Variants in PCYT2 observed in about 807,000 individuals in gnomAD.
PCYT2 encodes the protein ethanolamine-phosphate cytidylyltransferase.
PCYT2 carries 33 observed loss-of-function variants against 50.0 expected under a neutral mutation model. That is an observed-to-expected ratio of 0.66 (90% CI 0.50 to 0.88). The LOEUF is 0.88. Among genes scored for constraint, PCYT2 ranks in the 40% least tolerant of loss-of-function variants. The pLI, the probability that PCYT2 is intolerant of heterozygous loss-of-function variation, is 0.00. For missense variants in PCYT2, 430 were observed against 519.7 expected (o/e 0.83, Z 1.68); for synonymous variants, 240 against 203.7 (o/e 1.18, Z -1.52).
In PCYT2 at chr17:81,902,487, C is replaced by G. The variant is rs2039991735; in HGVS notation, c.*2346G>C. The G allele has an allele frequency of 4.3e-6, 6 of 1,401,116 alleles. No individual in the cohort carries two copies. Among genetic ancestry groups the G allele is most frequent in the Non-Finnish European group, 5.5e-6 (6 of 1,086,060 alleles). 86.8% of individuals were successfully genotyped at this position (1,401,116 alleles called of 1,614,324 possible). A position where few individuals can be genotyped will look rare whatever the true frequency, so the allele number is the denominator to read the frequency against. ...CGGAACCCCCGGGCGGGGCCGGCGC[C>G]TCCCCGGAGCTGCAACTGCACCCCA... On this transcript the variant is annotated 3_prime_UTR_variant, in exon 13 of 13. Coordinates refer to ENST00000538936, the MANE Select transcript of PCYT2 (RefSeq NM_002861.5).
At chr17:81,907,916 T>C (rs1197623801) in intron 4 of PCYT2, 59 bp from the exon 5 acceptor site, 11 of 1,397,040 alleles carry the variant, frequency 7.9e-6, no homozygotes, top group Non-Finnish European at 1.0e-5. Context: ...CTCTGCCTCC[T>C]GCTACCACCA....
Position 81,902,249 on chromosome 17 carries a change from C to G in PCYT2, c.*2584G>C. The G allele has an allele frequency of 7.3e-6, 9 of 1,231,454 alleles. No individual in the cohort carries two copies. Among genetic ancestry groups the G allele is most frequent in the Non-Finnish European group, 9.1e-6 (9 of 987,648 alleles). The allele number at this position is 1,231,454 out of a possible 1,614,324, so 76.3% of individuals were successfully genotyped here. A position where few individuals can be genotyped will look rare whatever the true frequency, so the allele number is the denominator to read the frequency against. On this transcript the variant is annotated 3_prime_UTR_variant, in exon 13 of 13. Transcript: ENST00000538936. ...GCGGTGGCTGCTCCGAGCCCGGACG[C>G]CGCCGCCCACCAGTCAGCCGGCGTC...
At chr17:81,906,415 C>T (rs376042396) in intron 8 of PCYT2, 49 bp downstream of exon 8, 41 of 1,551,726 alleles carry the variant, frequency 2.6e-5, no homozygotes, top group Non-Finnish European at 3.5e-5. Context: ...TAGGGCCCCT[C>T]GAGGGCCCAT....
Position 81,902,250 on chromosome 17 carries a change from C to T in PCYT2, c.*2583G>A. On this transcript the variant is annotated 3_prime_UTR_variant, in exon 13 of 13. Transcript: ENST00000538936. ...CGGTGGCTGCTCCGAGCCCGGACGC[C>T]GCCGCCCACCAGTCAGCCGGCGTCC... 8.1e-7 allele frequency: 1 copy of T among 1,232,336 alleles called. No homozygotes were observed. Among genetic ancestry groups the T allele is most frequent in the South Asian group, 3.6e-5 (1 of 28,034 alleles). 76.3% of individuals were successfully genotyped at this position (1,232,336 alleles called of 1,614,324 possible).
At chr17:81,908,662 T>A in intron 3 of PCYT2, 28 bp from the exon 4 acceptor site, 1 of 1,595,206 alleles carries the variant, frequency 6.3e-7, no homozygotes, top group Non-Finnish European at 8.6e-7. Flanking sequence ...AGGACAAGGA[T>A]CCTTAACCCA....
In PCYT2 at chr17:81,905,115, C is replaced by T. The variant is rs578101513; in HGVS notation, c.1009G>A (p.Gly337Ser). 4.2e-5 allele frequency: 68 copies of T among 1,613,424 alleles called. 1 individual carries two copies. The South Asian group carries it at 7.0e-4, about 17-fold the overall frequency. The part of the protein sequence containing the change: ...RRGIFRQIDS[G>S]SNLTTDLIVQ... ...ATGAGGTCTGTGGTGAGGTTGCTGCCACTGTCAATCTGACGGAAGATGCCC... is the reference window on the plus strand; with the variant it reads ...ATGAGGTCTGTGGTGAGGTTGCTGCTACTGTCAATCTGACGGAAGATGCCC... The change falls in exon 12 of 13, where the codon GGC (glycine) becomes AGC (serine). Residue 337 changes from glycine (G) to serine (S), a missense_variant. Gly to Ser is a moderately conservative substitution (Grantham distance 56). Transcript: ENST00000538936.
rs748755768 is a variant in PCYT2, at chr17:81,909,527, G to A, written c.165C>T (p.Gly55=). The change falls in exon 2 of 13, where the codon GGC becomes GGT. Residue 55 remains glycine, a synonymous_variant. Transcript: ENST00000538936. ...ARAMGDYLIV[G]VHTDEEIAKH... Reference sequence around the variant, plus strand: ...ATCTGTGCTTACCATCGGTGTGCACGCCTACGATGAGGTAGTCACCCATGG... The same window carrying A: ...ATCTGTGCTTACCATCGGTGTGCACACCTACGATGAGGTAGTCACCCATGG... 24 of 1,612,426 alleles carry A rather than the reference G, an allele frequency of 1.5e-5. No homozygotes were observed. Among genetic ancestry groups the A allele is most frequent in the African/African-American group, 6.7e-5 (5 of 74,926 alleles).
Position 81,909,621 on chromosome 17 carries a change from T to C in PCYT2, c.90-19A>G. 1 of 1,603,080 alleles carries C rather than the reference T, an allele frequency of 6.2e-7. No homozygotes were observed. Among genetic ancestry groups the C allele is most frequent in the Non-Finnish European group, 8.5e-7 (1 of 1,170,390 alleles). ...GTCATAGCTGTGGAGACAGAGAGAG[T>C]GGGTGGTCCCTGTGCCAAGGGTGGG... On this transcript the variant is annotated intron_variant, in intron 1 of 12. Coordinates refer to ENST00000538936, the MANE Select transcript of PCYT2 (RefSeq NM_002861.5).
At chr17:81,905,583 T>G in intron 10 of PCYT2, 87 bp downstream of exon 10, 1 of 1,454,820 alleles carries the variant, frequency 6.9e-7, no homozygotes, top group African/African-American at 1.4e-5. Flanking sequence ...GGGCCCCGCC[T>G]AGGAGCCCAC....
rs1326614399 is a variant in PCYT2 at position 81,904,810 on chromosome 17, G to A, written c.*23C>T. On this transcript the variant is annotated 3_prime_UTR_variant, in exon 13 of 13. Coordinates refer to ENST00000538936, the MANE Select transcript of PCYT2 (RefSeq NM_002861.5). ...AGGCGCAGAAGCAGAGCAGGGGGAG[G>A]GCCGGCCAGGGCCTCTGCCAGGTTA... The A allele has an allele frequency of 6.6e-7, 1 of 1,513,540 alleles. No individual in the cohort carries two copies. The highest frequency in any genetic ancestry group is 9.1e-7 in the Non-Finnish European group (1 of 1,097,972). 93.8% of individuals were successfully genotyped at this position (1,513,540 alleles called of 1,614,324 possible). A position where few individuals can be genotyped will look rare whatever the true frequency, so the allele number is the denominator to read the frequency against.
Position 81,905,157 on chromosome 17 carries a change from G to A in PCYT2, c.970-3C>T. ...AAGATGCCCCTTCTCTTGGGCTCCT[G>A]GGGGTCCAGAGAGGAGGAGCGGGAT... On this transcript the variant is annotated splice_polypyrimidine_tract_variant and splice_region_variant and intron_variant, in intron 11 of 12. Transcript: ENST00000538936. The A allele has an allele frequency of 6.2e-7, 1 of 1,610,208 alleles. No homozygotes were observed. Among genetic ancestry groups the A allele is most frequent in the East Asian group, 2.2e-5 (1 of 44,838 alleles).
chr17:81,910,606 G>A (rs916997660), intron 1 of PCYT2, among the ~76,000 whole-genome samples: 2 of 152,202 alleles, frequency 1.3e-5, no homozygotes, highest in African/African-American at 4.8e-5. Context: ...CCTTTTCCCA[G>A]AGGTGACTCG....
rs1598318193 is a variant in PCYT2 at position 81,905,456 on chromosome 17, G to A, written c.904-9C>T. 3 of 1,564,542 alleles carry A rather than the reference G, an allele frequency of 1.9e-6. No individual in the cohort carries two copies. The highest frequency in any genetic ancestry group is 2.6e-6 in the Non-Finnish European group (3 of 1,154,524). On this transcript the variant is annotated splice_polypyrimidine_tract_variant and intron_variant, in intron 10 of 12. Coordinates refer to ENST00000538936, the MANE Select transcript of PCYT2 (RefSeq NM_002861.5). ...TGACACACCAGGTCCACCTGGAGAAGGAGTGGGGTCAGGAGCCCTCCCCGG... is the reference window on the plus strand; with the variant it reads ...TGACACACCAGGTCCACCTGGAGAAAGAGTGGGGTCAGGAGCCCTCCCCGG...
At position 81,902,170 on chromosome 17, in the gene PCYT2, T is replaced by A; in HGVS notation, c.*2663A>T. 125 of 829,320 alleles carry A rather than the reference T, an allele frequency of 1.5e-4. No homozygotes were observed. The highest frequency in any genetic ancestry group is 1.9e-4 in the Non-Finnish European group (119 of 635,274). The allele number at this position is 829,320 out of a possible 1,614,324, so 51.4% of individuals were successfully genotyped here. ...TGCACCCCAGCCCGCCCGCCGCCCC[T>A]CCCGGCCCTCCGCAGCCTCGGCCCG... On this transcript the variant is annotated 3_prime_UTR_variant, in exon 13 of 13. Transcript: ENST00000538936.
chr17:81,903,378 C>CT lies in PCYT2; in HGVS notation c.*1454dup, dbSNP rs2040054768. 6.6e-6 allele frequency: 1 copy of CT among 152,468 alleles called. No homozygotes were observed. Among genetic ancestry groups the CT allele is most frequent in the Non-Finnish European group, 1.5e-5 (1 of 68,208 alleles). The allele number at this position is 152,468 out of a possible 1,614,324, so 9.4% of individuals were successfully genotyped here. On this transcript the variant is annotated 3_prime_UTR_variant, in exon 13 of 13. Coordinates refer to ENST00000538936, the MANE Select transcript of PCYT2 (RefSeq NM_002861.5). The stretch of plus-strand genomic sequence containing the variant: ...GTTCTCCCTCCGCCGTTGGGTGTGA[C>CT]TCCGGAACTGGCTTGGGCTCTGGCC...
In PCYT2 at chr17:81,902,538, G is replaced by T. The variant is rs770427689; in HGVS notation, c.*2295C>A. ...GGCTGCGGAGCCTCGTGAGTCCGGC[G>T]TGCCGGGGACTGATGGGGGGCGGCG... On this transcript the variant is annotated 3_prime_UTR_variant, in exon 13 of 13. Coordinates refer to ENST00000538936, the MANE Select transcript of PCYT2 (RefSeq NM_002861.5). 40 of 1,466,046 alleles carry T rather than the reference G, an allele frequency of 2.7e-5. No individual in the cohort carries two copies. Among genetic ancestry groups the T allele is most frequent in the Non-Finnish European group, 3.6e-5 (40 of 1,116,078 alleles). The allele number at this position is 1,466,046 out of a possible 1,614,324, so 90.8% of individuals were successfully genotyped here.
In PCYT2 at chr17:81,902,817, C is replaced by T; in HGVS notation, c.*2016G>A. ...CGTCCCACTCGGTGACCCCAGGCCC[C>T]TCCGGCGCGGGATGGCGCCCCAGGT... On this transcript the variant is annotated 3_prime_UTR_variant, in exon 13 of 13. Coordinates refer to ENST00000538936, the MANE Select transcript of PCYT2 (RefSeq NM_002861.5). 1 of 1,443,612 alleles carries T rather than the reference C, an allele frequency of 6.9e-7. No individual in the cohort carries two copies. Among genetic ancestry groups the T allele is most frequent in the Non-Finnish European group, 9.2e-7 (1 of 1,082,330 alleles). 89.4% of individuals were successfully genotyped at this position (1,443,612 alleles called of 1,614,324 possible).
At chr17:81,908,817 G>T in intron 3 of PCYT2, 59 bp downstream of exon 3, 1 of 1,513,976 alleles carries the variant, frequency 6.6e-7, no homozygotes, top group Admixed American at 1.7e-5. Context: ...CCCACCAGCA[G>T]ATCTGATCCT....
At chr17:81,907,512 C>G (rs1386798337) in intron 6 of PCYT2, 42 bp downstream of exon 6, 2 of 1,580,338 alleles carry the variant, frequency 1.3e-6, no homozygotes, top group South Asian at 2.3e-5. Flanking sequence ...GGGGAGCCCC[C>G]TGCAGCTGCG....
Sources: gnomAD v4.1 joint callset for allele counts (sites outside exome capture counted in the v4.1 genomes callset) on GRCh38, gnomAD v4.1.1 for gene constraint, MANE v1.5 for transcripts, NCBI Gene and HGNC (gene_info 2026-07-23, HGNC 2026-07-21) for gene names.